The following GAS6 variants were observed in gnomAD, a reference collection of about 807,000 sequenced individuals.
GAS6 encodes growth arrest specific 6, also known as growth arrest-specific protein 6.
Under a neutral mutation model 75.8 loss-of-function variants are expected in GAS6, and 41 were observed. The observed-to-expected ratio is 0.54, with a 90% CI of 0.42 to 0.70. The LOEUF (loss-of-function observed/expected upper bound fraction) is 0.70, where lower values mean the gene tolerates loss of function less well. Ranked by LOEUF, GAS6 falls within the 30% of genes least tolerant of loss-of-function variation. The pLI, the probability that GAS6 is intolerant of heterozygous loss-of-function variation, is 0.00. For synonymous variants in GAS6, 432 were observed against 412.6 expected (o/e 1.05, Z -0.57); for missense variants, 854 against 940.2 (o/e 0.91, Z 1.20).
At chr13:113,832,818 G>T in intron 8 of GAS6, 66 bp from the exon 9 acceptor site, 2 of 1,606,454 alleles carry the variant, frequency 1.2e-6, no homozygotes, top group Non-Finnish European at 1.7e-6. Flanking sequence ...TGAGCCCCAC[G>T]CCCCGGCCGC....
intron 2 of GAS6, among the ~76,000 whole-genome samples, chr13:113,853,151 A>G (rs1187432695): frequency 2.0e-5 from 3 of 152,252 alleles, no homozygotes; most frequent in Non-Finnish European, 4.4e-5. Flanking sequence ...AACACAGTGC[A>G]TTAACAAGAC....
Position 113,837,576 on chromosome 13 carries a change from C to G in GAS6, c.589+493G>C, listed in dbSNP as rs1383381367. ...ACTTTCTGGGGTGTCCTGGGGCTCCCCAGCTCTGGCCCTGGGCTGAGGGAA... is the reference window on the plus strand; with the variant it reads ...ACTTTCTGGGGTGTCCTGGGGCTCCGCAGCTCTGGCCCTGGGCTGAGGGAA... On this transcript the variant is annotated intron_variant, in intron 6 of 14. Coordinates refer to ENST00000327773, the MANE Select transcript of GAS6 (RefSeq NM_000820.4). The surrounding 1 kb of genome is among the most constrained non-coding windows in gnomAD (Gnocchi z 5.1). Among the ~76,000 whole-genome samples the G allele has an allele frequency of 1.3e-5, 2 of 152,150 alleles. No homozygotes were observed. Among genetic ancestry groups the G allele is most frequent in the Admixed American group, 6.5e-5 (1 of 15,280 alleles).
In GAS6 at chr13:113,839,704, G is replaced by A. The variant is rs1230152384; in HGVS notation, c.466+24C>T. The A allele has an allele frequency of 6.2e-6, 10 of 1,611,064 alleles. No homozygotes were observed. In the Admixed American group the frequency reaches 6.7e-5, roughly 11 times the overall value. ...AGGGTCGGAGATGGAGGGAGACCCCGCCTTTGTCTTCAGCCTCACGTACCT... is the reference window on the plus strand; with the variant it reads ...AGGGTCGGAGATGGAGGGAGACCCCACCTTTGTCTTCAGCCTCACGTACCT... On this transcript the variant is annotated intron_variant, in intron 5 of 14. Transcript: ENST00000327773.
chr13:113,835,028 A>G (rs1170234264), intron 7 of GAS6, among the ~76,000 whole-genome samples: 1 of 152,238 alleles, frequency 6.6e-6, no homozygotes, highest in Non-Finnish European at 1.5e-5. Context: ...AGGGGCCGAC[A>G]GCTGTGGTGG....
In GAS6 at chr13:113,832,437, G is replaced by A. The variant is rs200350506; in HGVS notation, c.1005C>T (p.Leu335=). The change falls in exon 10 of 15, where the codon CTC becomes CTT. Residue 335 remains leucine, a synonymous_variant. Coordinates refer to ENST00000327773, the MANE Select transcript of GAS6 (RefSeq NM_000820.4). ...TGCTGTCCTGGTGGCCTCCGGCAAAGAGGAGGATGCCCTCGGGGTCAAAGG... is the reference window on the plus strand; with the variant it reads ...TGCTGTCCTGGTGGCCTCCGGCAAAAAGGAGGATGCCCTCGGGGTCAAAGG... ...FRTFDPEGIL[L]FAGGHQDSTW... The A allele has an allele frequency of 6.2e-6, 10 of 1,609,372 alleles. No individual in the cohort carries two copies. Among genetic ancestry groups the A allele is most frequent in the Non-Finnish European group, 7.6e-6 (9 of 1,177,480 alleles).
At chr13:113,846,237 T>C (rs1391845819) in intron 4 of GAS6, among the ~76,000 whole-genome samples, 2 of 152,278 alleles carry the variant, frequency 1.3e-5, no homozygotes, top group African/African-American at 4.8e-5. Flanking sequence ...TTCTTGGAAC[T>C]GTAACTACGG....
In GAS6 at chr13:113,832,383, G is replaced by A. The variant is rs114684411; in HGVS notation, c.1059C>T (p.Gly353=). 677 of 1,611,450 alleles carry A rather than the reference G, an allele frequency of 4.2e-4. 2 individuals carry two copies. In the African/African-American group the frequency reaches 8.3e-3, roughly 20 times the overall value. Residue 353 remains glycine, a synonymous_variant, in exon 10 of 15, where the codon GGC becomes GGT. Coordinates refer to ENST00000327773, the MANE Select transcript of GAS6 (RefSeq NM_000820.4). ...STWIVLALRA[G]RLELQLRYNG... Reference sequence around the variant, plus strand: ...TGTAGCGCAGCTGCAGCTCCAGCCGGCCGGCTCTCAGGGCCAGCACGATCC... The same window carrying A: ...TGTAGCGCAGCTGCAGCTCCAGCCGACCGGCTCTCAGGGCCAGCACGATCC...
Position 113,826,978 on chromosome 13 carries a change from G to GT in GAS6, c.1477+17dup. The GT allele has an allele frequency of 6.2e-7, 1 of 1,605,590 alleles. No homozygotes were observed. Among genetic ancestry groups the GT allele is most frequent in the Non-Finnish European group, 8.5e-7 (1 of 1,176,012 alleles). ...AGGTGCAGCCACAGCCACCCCAACG[G>GT]TAAGAGCCAAGACTTACTGTAGTCC... On this transcript the variant is annotated intron_variant, in intron 12 of 14. Coordinates refer to ENST00000327773, the MANE Select transcript of GAS6 (RefSeq NM_000820.4).
intron 2 of GAS6, among the ~76,000 whole-genome samples, chr13:113,851,352 T>C (rs1196015232): frequency 7.9e-6 from 1 of 126,936 alleles, no homozygotes; most frequent in African/African-American, 3.2e-5. Flanking sequence ...GGTGAGTGAA[T>C]GGATGAATGA....
In GAS6 at chr13:113,842,085, C is replaced by CT. The variant is rs1301904637; in HGVS notation, c.344-2236_344-2235insA. 17 of 74,568 alleles carry CT rather than the reference C, an allele frequency of 2.3e-4. 3 individuals are homozygous for CT. Among genetic ancestry groups the CT allele is most frequent in the Admixed American group, 3.1e-4 (2 of 6,388 alleles). The allele number at this position is 74,568 out of a possible 1,614,324, so 4.6% of individuals were successfully genotyped here. On this transcript the variant is annotated intron_variant, in intron 4 of 14. Coordinates refer to ENST00000327773, the MANE Select transcript of GAS6 (RefSeq NM_000820.4). ...GTACGCCCCAGTTTCCTCCATACGC[C>CT]CCAGTTTCCTCCATACGCCCCAGTT...
rs953137751 is a variant in GAS6 at position 113,833,790 on chromosome 13, AGTGTGACAGGCAGTG to A, written c.834+746_834+760del. The A allele has an allele frequency of 6.9e-6, 7 of 1,014,672 alleles. No individual in the cohort carries two copies. The African/African-American group carries it at 1.1e-4, about 16-fold the overall frequency. The allele number at this position is 1,014,672 out of a possible 1,614,324, so 62.9% of individuals were successfully genotyped here. ...GTGTGAGACACTGGTGTGACAAGTC[AGTGTGACAGGCAGTG>A]GTGTGACAGGCACCGGTGTGACAGG... is the stretch of plus-strand genomic sequence containing the variant. On this transcript the variant is annotated intron_variant, in intron 8 of 14. Coordinates refer to ENST00000327773, the MANE Select transcript of GAS6 (RefSeq NM_000820.4).
chr13:113,838,266 G>A, intron 5 of GAS6, 75 bp from the exon 6 acceptor site: 3 of 1,576,454 alleles, frequency 1.9e-6, no homozygotes, highest in Non-Finnish European at 2.6e-6. Flanking sequence ...AGATCCCAGA[G>A]GTGCACAGCC....
chr13:113,826,866 T>TCCCC (rs1566355137), intron 12 of GAS6, 130 bp downstream of exon 12: 1 of 126,018 alleles, frequency 7.9e-6, no homozygotes, highest in Non-Finnish European at 1.9e-5. Context: ...CGCCCACCCA[T>TCCCC]CCCTGCCCCG....
At position 113,864,061 on chromosome 13, in the gene GAS6, C is replaced by T. The variant is rs948848618; in HGVS notation, c.-141G>A. On this transcript the variant is annotated 5_prime_UTR_variant, in exon 1 of 15. Transcript: ENST00000327773. ...GCGGCGGCGGCGGCGGCTGCGGCAC[C>T]TCAAGCGCTCGGTCTGGGCGTGTTC... The T allele has an allele frequency of 2.8e-5, 25 of 880,484 alleles. No homozygotes were observed. The highest frequency in any genetic ancestry group is 3.3e-5 in the Non-Finnish European group (24 of 731,482). 54.5% of individuals were successfully genotyped at this position (880,484 alleles called of 1,614,324 possible).
At position 113,832,336 on chromosome 13, in the gene GAS6, C is replaced by A. The variant is rs1454873915; in HGVS notation, c.1106G>T (p.Ser369Ile). Residue 369 changes from serine (S) to isoleucine (I), a missense_variant, in exon 10 of 15, where the codon AGC (serine) becomes ATC (isoleucine). Physicochemically the swap from Ser to Ile is moderately radical, Grantham distance 142. Coordinates refer to ENST00000327773, the MANE Select transcript of GAS6 (RefSeq NM_000820.4). The stretch of plus-strand genomic sequence containing the variant: ...GCCATGGTTGATGACCGGGCCGCTG[C>A]TGGTGACACGGCCGACACCGTTGTA... The part of the protein sequence containing the change: ...LRYNGVGRVT[S>I]SGPVINHGMW... 1 of 1,603,472 alleles carries A rather than the reference C, an allele frequency of 6.2e-7. No individual in the cohort carries two copies. The highest frequency in any genetic ancestry group is 1.1e-5 in the South Asian group (1 of 91,040).
intron 2 of GAS6, among the ~76,000 whole-genome samples, chr13:113,854,979 C>T (rs912876626): frequency 6.6e-6 from 1 of 152,244 alleles, no homozygotes; most frequent in Non-Finnish European, 1.5e-5. Context: ...CCGGTGGCAT[C>T]GCTGTCCTGG....
intron 4 of GAS6, chr13:113,840,403 T>C (rs2051763069): frequency 1.3e-5 from 2 of 154,184 alleles, no homozygotes; most frequent in African/African-American, 2.4e-5. Flanking sequence ...AGGCCAGGTG[T>C]GTTCTGCCCT....
Position 113,832,773 on chromosome 13 carries a change from GC to G in GAS6, c.835-22del, listed in dbSNP as rs779402707. 5 of 1,612,216 alleles carry G rather than the reference GC, an allele frequency of 3.1e-6. No individual in the cohort carries two copies. The East Asian group carries it at 1.1e-4, about 36-fold the overall frequency. ...ATGTCCTGCCACGGACGGGGGCCAC[GC>G]CGGTCGGGGATGTGGCCTTCACTCC... On this transcript the variant is annotated intron_variant, in intron 8 of 14. Coordinates refer to ENST00000327773, the MANE Select transcript of GAS6 (RefSeq NM_000820.4).
At position 113,844,084 on chromosome 13, in the gene GAS6, C is replaced by T. The variant is rs2051813685; in HGVS notation, c.343+2443G>A. Reference sequence around the variant, plus strand: ...GTGCTCTGGAGGAGAAGCTGAGAGCCCCAGGCCACAGGCAGGGCAGCCTCT... The same window carrying T: ...GTGCTCTGGAGGAGAAGCTGAGAGCTCCAGGCCACAGGCAGGGCAGCCTCT... On this transcript the variant is annotated intron_variant, in intron 4 of 14. Transcript: ENST00000327773. This position sits in a 1 kb window ranked among gnomAD's most constrained non-coding sequence, Gnocchi z 5.7. The T allele has an allele frequency of 6.6e-6, 1 of 150,714 alleles. No homozygotes were observed. Among genetic ancestry groups the T allele is most frequent in the Non-Finnish European group, 1.5e-5 (1 of 68,032 alleles). 9.3% of individuals were successfully genotyped at this position (150,714 alleles called of 1,614,324 possible).
Sources: allele counts gnomAD v4.1 joint callset (sites outside exome capture counted in the v4.1 genomes callset), GRCh38; gene constraint gnomAD v4.1.1; non-coding constraint Gnocchi (gnomAD v3.1); transcripts MANE v1.5; gene names NCBI Gene and HGNC (gene_info 2026-07-23, HGNC 2026-07-21).